Variants in PPID observed in about 807,000 individuals in gnomAD.
PPID encodes the protein peptidylprolyl isomerase D.
Under a neutral mutation model 48.1 loss-of-function variants are expected in PPID, and 47 were observed. That is an observed-to-expected ratio of 0.98 (90% CI 0.77 to 1.25). The LOEUF is 1.25. Ranked by LOEUF, PPID falls within the 50% of genes most tolerant of loss-of-function variation. The pLI is 0.00. For missense variants in PPID, 429 were observed against 443.5 expected (o/e 0.97, Z 0.29); for synonymous variants, 163 against 148.8 (o/e 1.10, Z -0.69).
intron 2 of PPID, 115 bp downstream of exon 2, chr4:158,721,228 G>C: frequency 8.1e-7 from 1 of 1,238,152 alleles, no homozygotes; most frequent in South Asian, 1.4e-5. Flanking sequence ...CTCAGACATG[G>C]ACGCTAATAG....
intron 2 of PPID, among the ~76,000 whole-genome samples, chr4:158,719,731 G>T (rs546059887): frequency 7.4e-4 from 112 of 152,134 alleles, no homozygotes; most frequent in Non-Finnish European, 1.3e-3. Flanking sequence ...AATAATGTCT[G>T]CTGAATACAG....
intron 7 of PPID, among the ~76,000 whole-genome samples, chr4:158,711,865 G>A (rs1292915881): frequency 6.6e-6 from 1 of 152,104 alleles, no homozygotes; most frequent in Non-Finnish European, 1.5e-5. Flanking sequence ...TACTTAGGAG[G>A]CTGAGGTAGG....
chr4:158,715,513 T>C (rs756704824), intron 5 of PPID, 49 bp downstream of exon 5: 30 of 1,594,516 alleles, frequency 1.9e-5, no homozygotes, highest in Non-Finnish European at 1.9e-5. Flanking sequence ...GTACTAAATA[T>C]TTTCACTTAC....
rs1442983597 is a variant in PPID, at chr4:158,721,386, C to T, written c.183G>A (p.Thr61=). Residue 61 remains threonine (T), a synonymous_variant, in exon 2 of 10, where the codon ACG becomes ACA. Transcript: ENST00000307720. ...LCTGEKGIGH[T]TGKPLHFKGC... is the part of the protein sequence containing the mutation. ...CTTTGAAATGGAGAGGTTTCCCAGT[C>T]GTGTGTCCAATGCCTTTTTCTCCTG... The T allele has an allele frequency of 4.3e-6, 7 of 1,613,982 alleles. No homozygotes were observed. Among genetic ancestry groups the T allele is most frequent in the Admixed American group, 1.7e-5 (1 of 59,996 alleles).
chr4:158,719,419 C>A, intron 2 of PPID, 133 bp from the exon 3 acceptor site: 1 of 625,292 alleles, frequency 1.6e-6, no homozygotes, highest in Non-Finnish European at 2.8e-6. Context: ...TGTCGCTCCC[C>A]ACCCGTCTCC....
At chr4:158,716,991 T>C (rs1471453135) in intron 4 of PPID, 21 bp downstream of exon 4, 1 of 1,592,166 alleles carries the variant, frequency 6.3e-7, no homozygotes, top group South Asian at 1.1e-5. Flanking sequence ...TAAGTGTATT[T>C]CACTGTAACT....
chr4:158,710,518 T>C, intron 9 of PPID, 110 bp downstream of exon 9: 1 of 1,167,936 alleles, frequency 8.6e-7, no homozygotes, highest in Non-Finnish European at 1.3e-6. Flanking sequence ...GCAGGCATTC[T>C]GTAGTGTCTG....
At chr4:158,711,218 CTTAAGT>C (rs1774785440) in intron 7 of PPID, among the ~76,000 whole-genome samples, 1 of 151,842 alleles carries the variant, frequency 6.6e-6, no homozygotes, top group Non-Finnish European at 1.5e-5. Flanking sequence ...GTTATAAACT[CTTAAGT>C]TTTTGTTTTT....
Position 158,723,303 on chromosome 4 carries a change from G to A in PPID, c.-15C>T, listed in dbSNP as rs781171123. ...GGGTGCGACATCTTGACTTGCAGAC[G>A]TGTTTAGTACGGAATATCAGAGTAC... On this transcript the variant is annotated 5_prime_UTR_variant, in exon 1 of 10. In the 5' UTR this introduces an upstream ATG that the reference lacks. Transcript: ENST00000307720. The A allele has an allele frequency of 9.9e-6, 16 of 1,611,046 alleles. No homozygotes were observed. Among genetic ancestry groups the A allele is most frequent in the African/African-American group, 1.3e-5 (1 of 74,878 alleles).
In PPID at chr4:158,718,647, AT is replaced by A. The variant is rs1231418897; in HGVS notation, c.333+532del. On this transcript the variant is annotated intron_variant, in intron 3 of 9. Coordinates refer to ENST00000307720, the MANE Select transcript of PPID (RefSeq NM_005038.3). ...TTGCTCATATTCCTTATTTCCAAAA[AT>A]ATCACTTTACTTTTGTACTTACATG... Among the ~76,000 whole-genome samples, 5 of 152,200 alleles carry A rather than the reference AT, an allele frequency of 3.3e-5. 1 individual carries two copies. Among genetic ancestry groups the A allele is most frequent in the Non-Finnish European group, 1.5e-5 (1 of 68,038 alleles).
At chr4:158,721,068 C>A (rs1286205016) in intron 2 of PPID, among the ~76,000 whole-genome samples, 1 of 152,166 alleles carries the variant, frequency 6.6e-6, no homozygotes, top group Non-Finnish European at 1.5e-5. Flanking sequence ...TGGTTGACTA[C>A]GGCCTTCCTT....
intron 1 of PPID, 53 bp downstream of exon 1, chr4:158,723,151 C>T: frequency 6.5e-7 from 1 of 1,537,506 alleles, no homozygotes; most frequent in South Asian, 1.2e-5. Context: ...CCCCCAAATC[C>T]CGGGAACCCC....
At chr4:158,722,709 G>A (rs773539331) in intron 1 of PPID, among the ~76,000 whole-genome samples, 1 of 152,186 alleles carries the variant, frequency 6.6e-6, no homozygotes, top group South Asian at 2.1e-4. Flanking sequence ...TCATCTGAAC[G>A]GACCTCTAAA....
chr4:158,716,829 C>T (rs1386703157), intron 4 of PPID, among the ~76,000 whole-genome samples, 183 bp downstream of exon 4: 3 of 151,970 alleles, frequency 2.0e-5, no homozygotes, highest in African/African-American at 2.4e-5. Context: ...GGTGTTGTAG[C>T]GCGCGCCTGT....
chr4:158,719,634 C>T (rs1212738612), intron 2 of PPID, among the ~76,000 whole-genome samples: 1 of 152,182 alleles, frequency 6.6e-6, no homozygotes, highest in Non-Finnish European at 1.5e-5. Flanking sequence ...CTGCCCCTTC[C>T]AGCAATGATC....
At position 158,709,768 on chromosome 4, in the gene PPID, C is replaced by G; in HGVS notation, c.1081G>C (p.Glu361Gln). Residue 361 changes from glutamate to glutamine, a missense_variant, in exon 10 of 10, where the codon GAG becomes CAG. Physicochemically the swap from Glu to Gln is conservative, Grantham distance 29. Transcript: ENST00000307720. ...AACATTTTTGCATATACTGCCTTCT[C>G]TTTATCTTTCTGTGCCTTTATCTTT... ...KQKIKAQKDK[E>Q]KAVYAKMFA The G allele has an allele frequency of 6.2e-7, 1 of 1,611,788 alleles. No individual in the cohort carries two copies. The highest frequency in any genetic ancestry group is 8.5e-7 in the Non-Finnish European group (1 of 1,178,788).
intron 4 of PPID, among the ~76,000 whole-genome samples, chr4:158,716,424 C>T (rs761784227): frequency 2.0e-5 from 3 of 152,122 alleles, no homozygotes; most frequent in Non-Finnish European, 4.4e-5. Flanking sequence ...CTATGTACTA[C>T]TATACATACC....
At chr4:158,723,059 G>C in intron 1 of PPID, 145 bp downstream of exon 1, 1 of 776,454 alleles carries the variant, frequency 1.3e-6, no homozygotes, top group Non-Finnish European at 2.1e-6. Context: ...CTCCGGGCCT[G>C]CTCCGGCGGA....
intron 9 of PPID, 69 bp from the exon 10 acceptor site, chr4:158,709,893 A>T (rs1490374679): frequency 1.8e-5 from 24 of 1,309,526 alleles, no homozygotes; most frequent in Non-Finnish European, 2.6e-5. Context: ...CTAACAAACT[A>T]TTTTAATGTT....
Sources: allele counts gnomAD v4.1 joint callset (sites outside exome capture counted in the v4.1 genomes callset), GRCh38; gene constraint gnomAD v4.1.1; transcripts MANE v1.5; gene names NCBI Gene and HGNC (gene_info 2026-07-23, HGNC 2026-07-21).